The following HDAC4 variants were observed in gnomAD, a reference collection of about 807,000 sequenced individuals.
HDAC4 encodes the protein histone deacetylase A.
A neutral mutation model predicts 135.1 loss-of-function variants in HDAC4; 16 were observed. The ratio of observed to expected loss-of-function variants is 0.12; its 90% CI spans 0.08 to 0.18. The LOEUF is 0.18. HDAC4 is among the 10% of genes least tolerant of loss of function. The probability of loss-of-function intolerance (pLI) is 1.00; values close to 1 mark genes in which losing one functional copy is unlikely to be tolerated. For missense variants in HDAC4, 1,143 were observed against 1,511.8 expected, an observed-to-expected ratio of 0.76 and a Z score of 4.05; for synonymous variants, 685 against 653.4, an observed-to-expected ratio of 1.05 and a Z score of -0.74.
chr2:239,199,736 CTTTTTTT>C (rs35353470), intron 3 of HDAC4, among the ~76,000 whole-genome samples: 5 of 139,092 alleles, frequency 3.6e-5, no homozygotes, highest in Non-Finnish European at 7.8e-5. Context: ...CTGTACATTT[CTTTTTTT>C]TTTTTTTTGA....
chr2:239,198,593 T>C (rs80352596), intron 3 of HDAC4, among the ~76,000 whole-genome samples: 2,540 of 152,252 alleles, frequency 0.017, 78 homozygotes, highest in African/African-American at 0.057. Flanking sequence ...AGCACCCCTT[T>C]GTGGCAGCGC....
intron 17 of HDAC4, chr2:239,091,712 G>A (rs917618985): frequency 6.6e-6 from 1 of 152,152 alleles, no homozygotes; most frequent in African/African-American, 2.4e-5. Context: ...GCATTTTCAA[G>A]GGGCTGAAGA....
intron 2 of HDAC4, among the ~76,000 whole-genome samples, chr2:239,237,748 C>T (rs1436131309): frequency 6.6e-6 from 1 of 150,668 alleles, no homozygotes; most frequent in Non-Finnish European, 1.5e-5. Context: ...CAACATGGAC[C>T]TGCAGGAGCT....
intron 16 of HDAC4, among the ~76,000 whole-genome samples, chr2:239,101,539 T>C (rs1019775244): frequency 6.6e-6 from 1 of 152,096 alleles, no homozygotes; most frequent in African/African-American, 2.4e-5. Flanking sequence ...CTGCAACCCC[T>C]GCGTTCATGG....
rs550276871 is a variant in HDAC4 at position 239,292,021 on chromosome 2, A to ACGGCCCAGCT, written c.23-55367_23-55358dup. On this transcript the variant is annotated intron_variant, in intron 2 of 26. Coordinates refer to ENST00000543185, the MANE Select transcript of HDAC4 (RefSeq NM_001378414.1). Reference sequence around the variant, plus strand: ...GACAGCCACGCCAGGGGCTGCGCGCACGGCCCAGCTCGGCCCAGCTCAGCC... The same window carrying ACGGCCCAGCT: ...GACAGCCACGCCAGGGGCTGCGCGCACGGCCCAGCTCGGCCCAGCTCGGCCCAGCTCAGCC... Among the ~76,000 whole-genome samples, 23 of 151,396 alleles carry ACGGCCCAGCT rather than the reference A, an allele frequency of 1.5e-4. No individual in the cohort carries two copies. In the East Asian group the frequency reaches 2.1e-3, roughly 14 times the overall value.
chr2:239,147,460 T>C (rs1239779452), intron 7 of HDAC4, among the ~76,000 whole-genome samples: 2 of 152,398 alleles, frequency 1.3e-5, no homozygotes, highest in South Asian at 2.1e-4. Context: ...AAGTGGAAGA[T>C]GCAGGTAAGC....
At chr2:239,119,751 G>A (rs1479751070) in intron 12 of HDAC4, among the ~76,000 whole-genome samples, 1 of 152,184 alleles carries the variant, frequency 6.6e-6, no homozygotes, top group Admixed American at 6.5e-5. Context: ...ATCAGTGGAT[G>A]GGCAGGAGAG....
intron 22 of HDAC4, among the ~76,000 whole-genome samples, chr2:239,070,661 A>AGACAGGTGGTCTGGTGTCTTCCTGCATGT (rs1371783404): frequency 3.3e-5 from 5 of 152,232 alleles, no homozygotes; most frequent in Non-Finnish European, 4.4e-5. Context: ...GGACCTCATG[A>AGACAGGTGGTCTGGTGTCTTCCTGCATGT]GACAGGTGGT....
rs1235178488 is a variant in HDAC4 at position 239,240,451 on chromosome 2, A to C, written c.23-3787T>G. Among the ~76,000 whole-genome samples the C allele has an allele frequency of 6.6e-6, 1 of 152,230 alleles. No individual in the cohort carries two copies. The highest frequency in any genetic ancestry group is 1.5e-5 in the Non-Finnish European group (1 of 68,042). The stretch of plus-strand genomic sequence containing the variant: ...CCATATTTATCTGCCTCTGGGCTGA[A>C]ATTTCTCAGGCTGAGGAGAAAGCGG... On this transcript the variant is annotated intron_variant, in intron 2 of 26. Coordinates refer to ENST00000543185, the MANE Select transcript of HDAC4 (RefSeq NM_001378414.1). This position sits in a 1 kb window ranked among gnomAD's most constrained non-coding sequence, Gnocchi z 4.5.
In HDAC4 at chr2:239,313,515, C is replaced by G. The variant is rs552051233; in HGVS notation, c.22+39163G>C. On this transcript the variant is annotated intron_variant, in intron 2 of 26. Transcript: ENST00000543185. This position sits in a 1 kb window ranked among gnomAD's most constrained non-coding sequence, Gnocchi z 5.1. Reference sequence around the variant, plus strand: ...GCAGGCTGGACTCTTCCTAACCTCACGAGAGGTGATGACCGGAATCATCCC... The same window carrying G: ...GCAGGCTGGACTCTTCCTAACCTCAGGAGAGGTGATGACCGGAATCATCCC... Among the ~76,000 whole-genome samples, 2 of 152,114 alleles carry G rather than the reference C, an allele frequency of 1.3e-5. No individual in the cohort carries two copies. The highest frequency in any genetic ancestry group is 2.1e-4 in the South Asian group (1 of 4,818).
At chr2:239,254,496 T>A (rs532667235) in intron 2 of HDAC4, among the ~76,000 whole-genome samples, 1 of 151,938 alleles carries the variant, frequency 6.6e-6, no homozygotes, top group South Asian at 2.1e-4. Context: ...GAGAAGTTTT[T>A]AAAAAGAATT....
intron 1 of HDAC4, among the ~76,000 whole-genome samples, chr2:239,370,699 G>A (rs1195788599): frequency 6.6e-6 from 1 of 152,232 alleles, no homozygotes; most frequent in Non-Finnish European, 1.5e-5. Context: ...AAAGGCTGGT[G>A]CACCTGCAGC....
At chr2:239,330,168 AGC>A (rs1462471768) in intron 2 of HDAC4, among the ~76,000 whole-genome samples, 1 of 152,250 alleles carries the variant, frequency 6.6e-6, no homozygotes, top group African/African-American at 2.4e-5. Flanking sequence ...GGCCAGGTAC[AGC>A]TGCCTGGAGA....
At chr2:239,305,848 C>G (rs187053055) in intron 2 of HDAC4, among the ~76,000 whole-genome samples, 141 of 152,340 alleles carry the variant, frequency 9.3e-4, no homozygotes, top group African/African-American at 3.2e-3. Flanking sequence ...TTCTCTGACC[C>G]CATTCCCTAA....
intron 4 of HDAC4, among the ~76,000 whole-genome samples, chr2:239,178,257 T>C (rs999255490): frequency 7.2e-5 from 11 of 152,190 alleles, no homozygotes; most frequent in African/African-American, 2.2e-4. Context: ...CCGTTACCAG[T>C]TGTCTCTTGT....
rs747585824 is a variant in HDAC4 at position 239,111,519 on chromosome 2, G to T, written c.1978+7C>A. The T allele has an allele frequency of 6.2e-7, 1 of 1,610,964 alleles. No individual in the cohort carries two copies. The highest frequency in any genetic ancestry group is 1.3e-5 in the African/African-American group (1 of 74,916). On this transcript the variant is annotated splice_region_variant and intron_variant, in intron 14 of 26. Coordinates refer to ENST00000543185, the MANE Select transcript of HDAC4 (RefSeq NM_001378414.1). ...CACCCTCAGGCTGCACAAAGGCCACGTGTTACCTGTCGTGAACCTCGGCTT... is the reference window on the plus strand; with the variant it reads ...CACCCTCAGGCTGCACAAAGGCCACTTGTTACCTGTCGTGAACCTCGGCTT...
intron 16 of HDAC4, among the ~76,000 whole-genome samples, chr2:239,100,686 C>T (rs1470443062): frequency 3.3e-5 from 5 of 152,178 alleles, no homozygotes; most frequent in African/African-American, 7.2e-5. Context: ...CATAAGGGAT[C>T]TCAGGGGCTA....
intron 24 of HDAC4, among the ~76,000 whole-genome samples, chr2:239,062,196 A>C (rs965918789): frequency 6.6e-6 from 1 of 152,284 alleles, no homozygotes; most frequent in Non-Finnish European, 1.5e-5. Flanking sequence ...TGGGAACAGC[A>C]CAGGCCTCCA....
At chr2:239,095,181 G>C in intron 16 of HDAC4, 125 bp from the exon 17 acceptor site, 1 of 985,520 alleles carries the variant, frequency 1.0e-6, no homozygotes, top group Non-Finnish European at 1.6e-6. Context: ...AGGGGCCACT[G>C]CTCCCCCTTG....
Sources: gnomAD v4.1 joint callset for allele counts (sites outside exome capture counted in the v4.1 genomes callset) on GRCh38, gnomAD v4.1.1 for gene constraint, Gnocchi (gnomAD v3.1) non-coding constraint, MANE v1.5 for transcripts, NCBI Gene and HGNC (gene_info 2026-07-23, HGNC 2026-07-21) for gene names.